The following SKAP1 variants were observed in gnomAD, a reference collection of about 807,000 sequenced individuals.
SKAP1 encodes the protein src kinase-associated phosphoprotein 1.
Under a neutral mutation model 58.5 loss-of-function variants are expected in SKAP1, and 44 were observed. The observed-to-expected ratio is 0.75, with a 90% CI of 0.59 to 0.97. SKAP1 has a LOEUF of 0.97. SKAP1 is among the 50% of genes least tolerant of loss of function. The pLI is 0.00. For synonymous variants in SKAP1, 127 were observed against 149.7 expected (o/e 0.85, Z 1.11); for missense variants, 390 against 435.2 (o/e 0.90, Z 0.92).
chr17:48,167,228 T>C (rs2064152284), intron 10 of SKAP1, among the ~76,000 whole-genome samples: 1 of 152,202 alleles, frequency 6.6e-6, no homozygotes, highest in Non-Finnish European at 1.5e-5. Flanking sequence ...CCCCAATGAC[T>C]GTGGCACCAG....
At chr17:48,364,851 T>C (rs1273682015) in intron 2 of SKAP1, among the ~76,000 whole-genome samples, 2 of 152,200 alleles carry the variant, frequency 1.3e-5, no homozygotes, top group African/African-American at 4.8e-5. Context: ...TGGGAAATAA[T>C]TGGCAAAACT....
intron 4 of SKAP1, among the ~76,000 whole-genome samples, chr17:48,217,056 C>A (rs1321373972): frequency 6.6e-6 from 1 of 152,112 alleles, no homozygotes; most frequent in Non-Finnish European, 1.5e-5. Flanking sequence ...TCTCTTATCA[C>A]ATATTTTATT....
chr17:48,183,918 C>G (rs1414878224), intron 7 of SKAP1, among the ~76,000 whole-genome samples: 1 of 152,036 alleles, frequency 6.6e-6, no homozygotes, highest in Non-Finnish European at 1.5e-5. Flanking sequence ...ATGGTGTTTT[C>G]CTTTTTCATA....
At chr17:48,441,285 CT>C in the SKAP1 span, among the ~76,000 whole-genome samples, 1 of 152,094 alleles carries the variant, frequency 6.6e-6, no homozygotes, top group Non-Finnish European at 1.5e-5. Context: ...TTTAGAAACC[CT>C]TTTACCTACA....
intron 4 of SKAP1, among the ~76,000 whole-genome samples, chr17:48,282,278 G>A (rs1455404601): frequency 6.6e-6 from 1 of 152,060 alleles, no homozygotes; most frequent in African/African-American, 2.4e-5. Context: ...TCAACTCATG[G>A]CCAATTCTGT....
chr17:48,210,231 C>T (rs1052431358), intron 4 of SKAP1, among the ~76,000 whole-genome samples: 8 of 152,126 alleles, frequency 5.3e-5, no homozygotes, highest in African/African-American at 1.4e-4. Flanking sequence ...TATCAGTCAT[C>T]GACACCTTGG....
intron 2 of SKAP1, among the ~76,000 whole-genome samples, chr17:48,379,922 T>A (rs1387297314): frequency 6.6e-6 from 1 of 152,170 alleles, no homozygotes; most frequent in Non-Finnish European, 1.5e-5. Context: ...GACCTCGTCA[T>A]CCGCCCGCCT....
intron 4 of SKAP1, among the ~76,000 whole-genome samples, chr17:48,227,365 A>G (rs190453129): frequency 2.2e-4 from 34 of 152,348 alleles, no homozygotes; most frequent in Admixed American, 5.2e-4. Flanking sequence ...TGGGTAGGCT[A>G]GACTACATGA....
chr17:48,298,611 C>T (rs906294298), intron 4 of SKAP1, among the ~76,000 whole-genome samples: 3 of 152,180 alleles, frequency 2.0e-5, no homozygotes, highest in Admixed American at 1.3e-4. Flanking sequence ...CTGATGACTA[C>T]GTAATTCGCT....
chr17:48,436,202 G>C, the SKAP1 span, among the ~76,000 whole-genome samples: 1 of 152,046 alleles, frequency 6.6e-6, no homozygotes. Context: ...TTCTCTAGTA[G>C]CTGGGATTAT....
At chr17:48,208,474 C>T (rs1354684904) in intron 4 of SKAP1, among the ~76,000 whole-genome samples, 3 of 152,104 alleles carry the variant, frequency 2.0e-5, no homozygotes, top group Non-Finnish European at 4.4e-5. Context: ...ATGATGTCCC[C>T]GAGGGTTTTA....
intron 4 of SKAP1, among the ~76,000 whole-genome samples, chr17:48,306,373 G>A (rs1031395356): frequency 1.3e-5 from 2 of 152,012 alleles, no homozygotes; most frequent in Non-Finnish European, 1.5e-5. Context: ...TAGTGGTCCT[G>A]GACAACCACC....
At chr17:48,307,001 T>G (rs1040813655) in intron 4 of SKAP1, among the ~76,000 whole-genome samples, 3 of 152,236 alleles carry the variant, frequency 2.0e-5, no homozygotes, top group African/African-American at 7.2e-5. Context: ...CCACGAAGGA[T>G]TATGTTGAAT....
intron 11 of SKAP1, among the ~76,000 whole-genome samples, chr17:48,153,427 A>G (rs1446765536): frequency 1.3e-5 from 2 of 152,086 alleles, no homozygotes; most frequent in African/African-American, 4.8e-5. Flanking sequence ...CCGGTATATG[A>G]CCGTTGCCTT....
intron 4 of SKAP1, among the ~76,000 whole-genome samples, chr17:48,324,842 C>A (rs890206086): frequency 1.1e-4 from 17 of 151,940 alleles, no homozygotes; most frequent in African/African-American, 4.1e-4. Flanking sequence ...AACTATTTAC[C>A]CACCTGCAGC....
At chr17:48,225,524 C>T (rs1052578386) in intron 4 of SKAP1, among the ~76,000 whole-genome samples, 1 of 152,270 alleles carries the variant, frequency 6.6e-6, no homozygotes, top group Admixed American at 6.5e-5. Context: ...AAGCATTGTT[C>T]AGGTTACCAA....
chr17:48,318,350 G>C (rs1312231598), intron 4 of SKAP1, among the ~76,000 whole-genome samples: 2 of 152,140 alleles, frequency 1.3e-5, no homozygotes, highest in South Asian at 2.1e-4. Flanking sequence ...CCCAAAGCAG[G>C]AGGCTGGCTC....
chr17:48,239,663 A>G (rs1044088524), intron 4 of SKAP1, among the ~76,000 whole-genome samples: 7 of 152,206 alleles, frequency 4.6e-5, no homozygotes, highest in Non-Finnish European at 8.8e-5. Flanking sequence ...ATTGGTCCAT[A>G]CAAATAATCC....
intron 11 of SKAP1, among the ~76,000 whole-genome samples, chr17:48,141,095 CT>C (rs2063761983): frequency 6.6e-6 from 1 of 152,040 alleles, no homozygotes; most frequent in Non-Finnish European, 1.5e-5. Flanking sequence ...CCCCATCCCC[CT>C]CTTCTAATCA....
Sources: allele counts gnomAD v4.1 joint callset (sites outside exome capture counted in the v4.1 genomes callset), GRCh38; gene constraint gnomAD v4.1.1; transcripts MANE v1.5; gene names NCBI Gene and HGNC (gene_info 2026-07-23, HGNC 2026-07-21).